The following ARMCX4 variants were observed in gnomAD, a reference collection of about 807,000 sequenced individuals.
The protein encoded by ARMCX4 is armadillo repeat-containing X-linked protein 4.
Under a neutral mutation model 34.7 loss-of-function variants are expected in ARMCX4, and 3 were observed. That is an observed-to-expected ratio of 0.09 (90% CI 0.04 to 0.22). The LOEUF is 0.22. ARMCX4 is among the 10% of genes least tolerant of loss of function. ARMCX4 has a pLI of 1.00. For synonymous variants in ARMCX4, 513 were observed against 632.8 expected, an observed-to-expected ratio of 0.81 and a Z score of 2.84; for missense variants, 1,448 against 1,720.8, an observed-to-expected ratio of 0.84 and a Z score of 2.81.
intron 2 of ARMCX4, among the ~76,000 whole-genome samples, chrX:101,432,861 CGTAT>C (rs1320945236): frequency 2.2e-5 from 2 of 89,044 alleles, no homozygotes; most frequent in African/African-American, 8.1e-5. Flanking sequence ...TATATATACA[CGTAT>C]ATATACACAT....
At chrX:101,503,466 A>G (rs782061430) in intron 7 of ARMCX4, among the ~76,000 whole-genome samples, 1,960 of 111,389 alleles carry the variant, frequency 0.018, 45 homozygotes, top group African/African-American at 0.061. Flanking sequence ...TTACTTTTTA[A>G]TGATCACCAT....
At chrX:101,448,130 T>TAATC (rs1230696380), downstream of ARMCX4, among the ~76,000 whole-genome samples, 5 of 111,625 alleles carry the variant, frequency 4.5e-5, no homozygotes, top group Non-Finnish European at 9.4e-5. Flanking sequence ...TCATTTAACA[T>TAATC]AATCACCTCC....
intron 11 of ARMCX4, among the ~76,000 whole-genome samples, chrX:101,531,371 G>T (rs1432929538): frequency 8.9e-6 from 1 of 111,848 alleles, no homozygotes; most frequent in Admixed American, 9.5e-5. Context: ...AACAACAATT[G>T]TCAAGGATTC....
downstream of ARMCX4, chrX:101,498,402 TG>T (rs1459608912): frequency 9.6e-6 from 2 of 208,656 alleles, no homozygotes; most frequent in Admixed American, 1.4e-4. Flanking sequence ...GGTGGTTAAC[TG>T]GGTTGGCATA....
Position 101,502,099 on chromosome X carries a change from A to G in ARMCX4, c.*1177+2733A>G, listed in dbSNP as rs782129978. ...ATACCTTTTAAGAACAGCTCCTGAC[A>G]TGCTACTACATCCTGGTAGAGATGA... is the stretch of plus-strand genomic sequence containing the variant. On this transcript the variant is annotated intron_variant and NMD_transcript_variant, in intron 7 of 12. Coordinates refer to the ARMCX4 transcript ENST00000354842. Among the ~76,000 whole-genome samples the G allele has an allele frequency of 2.3e-3, 258 of 112,433 alleles. 1 individual carries two copies. The highest frequency in any genetic ancestry group is 7.8e-3 in the African/African-American group (242 of 31,004).
intron 4 of ARMCX4, among the ~76,000 whole-genome samples, chrX:101,470,264 A>G (rs1227605566): frequency 1.8e-5 from 2 of 110,339 alleles, no homozygotes; most frequent in African/African-American, 3.3e-5. Context: ...GAATCCTGCA[A>G]TACTCTTTTG....
In ARMCX4 at chrX:101,495,724, G is replaced by T; in HGVS notation, c.*262G>T. The T allele has an allele frequency of 3.8e-6, 1 of 261,584 alleles. No individual in the cohort carries two copies. The highest frequency in any genetic ancestry group is 6.3e-5 in the East Asian group (1 of 15,855). The allele number at this position is 261,584 out of a possible 1,213,427, so 21.6% of individuals were successfully genotyped here. ...TTCTTCATAAGTAAGGTAATCTTTGGTCCTTTGTGTGGACTTATGTTTATA... is the reference window on the plus strand; with the variant it reads ...TTCTTCATAAGTAAGGTAATCTTTGTTCCTTTGTGTGGACTTATGTTTATA... On this transcript the variant is annotated 3_prime_UTR_variant, in exon 6 of 6. Transcript: ENST00000423738.
intron 2 of ARMCX4, among the ~76,000 whole-genome samples, chrX:101,438,772 A>G (rs1426977446): frequency 9.9e-5 from 11 of 110,817 alleles, no homozygotes; most frequent in African/African-American, 3.6e-4. Flanking sequence ...AGTCTGTTTT[A>G]TCAGAGACTA....
intron 11 of ARMCX4, among the ~76,000 whole-genome samples, chrX:101,513,082 CCTT>C (rs1214161694): frequency 1.8e-5 from 2 of 109,816 alleles, no homozygotes; most frequent in Non-Finnish European, 3.8e-5. Context: ...AGGCAGAAGT[CCTT>C]CTTCTCCAGG....
chrX:101,515,412 T>TGC (rs1934706212), intron 11 of ARMCX4, among the ~76,000 whole-genome samples: 1 of 19,286 alleles, frequency 5.2e-5, no homozygotes. Context: ...CCTCCCTCCC[T>TGC]CTCTTCCTTC....
At chrX:101,433,240 GTATA>G (rs200580799) in intron 2 of ARMCX4, among the ~76,000 whole-genome samples, 1 of 31,521 alleles carries the variant, frequency 3.2e-5, no homozygotes, top group Non-Finnish European at 8.9e-5. Context: ...GTACACATAT[GTATA>G]TATACACACA....
Position 101,491,549 on chromosome X carries a change from C to T in ARMCX4, c.2960C>T (p.Ser987Phe). 7 of 1,156,019 alleles carry T rather than the reference C, an allele frequency of 6.1e-6. No homozygotes were observed. Among genetic ancestry groups the T allele is most frequent in the Non-Finnish European group, 8.0e-6 (7 of 872,923 alleles). ...GAGGCTGGGGCAGATACAGTGGGCT[C>T]TGCCCAGCCCCAAGCTGTCGCTAAT... Reference protein sequence around the residue: ...KAEAGADTVGSAQPQAVANSQ... With the variant: ...KAEAGADTVGFAQPQAVANSQ... The change falls in exon 6 of 6, where the codon TCT becomes TTT. Residue 987 changes from serine to phenylalanine, a missense_variant. By Grantham distance (155) the Ser-to-Phe change is radical (BLOSUM62 -2). Transcript: ENST00000423738.
chrX:101,446,398 C>A (rs1182349022), downstream of ARMCX4, among the ~76,000 whole-genome samples: 1 of 110,897 alleles, frequency 9.0e-6, no homozygotes, highest in Non-Finnish European at 1.9e-5. Context: ...GTACTGTGGG[C>A]AGAATAAAAC....
intron 4 of ARMCX4, among the ~76,000 whole-genome samples, chrX:101,476,990 T>C (rs938934607): frequency 1.8e-5 from 2 of 110,833 alleles, no homozygotes; most frequent in Non-Finnish European, 3.8e-5. Context: ...ATTAAAGATA[T>C]AAAAGGCAAT....
At chrX:101,430,847 G>A (rs531039092) in intron 2 of ARMCX4, among the ~76,000 whole-genome samples, 3 of 112,173 alleles carry the variant, frequency 2.7e-5, no homozygotes, top group African/African-American at 9.7e-5. Context: ...GCATGACCCT[G>A]CTAGGGACCT....
chrX:101,482,234 A>T (rs972838404), upstream of ARMCX4, among the ~76,000 whole-genome samples: 1 of 111,167 alleles, frequency 9.0e-6, no homozygotes, highest in Non-Finnish European at 1.9e-5. Context: ...ACTCCATATA[A>T]AAAAAAATCT....
chrX:101,521,352 G>A (rs1934850300), intron 11 of ARMCX4, among the ~76,000 whole-genome samples: 1 of 111,443 alleles, frequency 9.0e-6, no homozygotes, highest in African/African-American at 3.3e-5. Context: ...GTTGGCATAC[G>A]ATTTTTCATA....
chrX:101,502,842 A>T (rs1176279415), intron 7 of ARMCX4, among the ~76,000 whole-genome samples: 2 of 106,762 alleles, frequency 1.9e-5, no homozygotes, highest in Non-Finnish European at 3.9e-5. Flanking sequence ...TGTGCAGGTT[A>T]GTTACATATG....
At chrX:101,425,442 G>A (rs1339129334) in intron 2 of ARMCX4, among the ~76,000 whole-genome samples, 1 of 104,999 alleles carries the variant, frequency 9.5e-6, no homozygotes, top group Non-Finnish European at 1.9e-5. Context: ...TGCCCAAGCT[G>A]GAGTGCAATG....
Sources: gnomAD v4.1 joint callset for allele counts (sites outside exome capture counted in the v4.1 genomes callset) on GRCh38, gnomAD v4.1.1 for gene constraint, MANE v1.5 for transcripts, NCBI Gene and HGNC (gene_info 2026-07-23, HGNC 2026-07-21) for gene names.